Variants in SGCZ observed in about 807,000 individuals in gnomAD.
SGCZ encodes sarcoglycan zeta, also known as zeta-sarcoglycan.
SGCZ carries 40 observed loss-of-function variants against 41.3 expected under a neutral mutation model. The observed-to-expected ratio is 0.97, with a 90% CI of 0.75 to 1.26. The LOEUF is 1.26. Ranked by LOEUF, SGCZ falls within the 50% of genes most tolerant of loss-of-function variation. SGCZ has a pLI of 0.00. For missense variants in SGCZ, 552 were observed against 369.8 expected, an observed-to-expected ratio of 1.49 and a Z score of -4.04; for synonymous variants, 206 against 137.5, an observed-to-expected ratio of 1.50 and a Z score of -3.49.
At chr8:14,501,067 T>A (rs1343483474) in intron 2 of SGCZ, among the ~76,000 whole-genome samples, 1 of 152,022 alleles carries the variant, frequency 6.6e-6, no homozygotes, top group African/African-American at 2.4e-5. Flanking sequence ...ATCAAGCTGT[T>A]AGTAGGGTTG....
intron 4 of SGCZ, among the ~76,000 whole-genome samples, chr8:14,191,795 C>T (rs1460320159): frequency 3.3e-5 from 5 of 152,098 alleles, no homozygotes; most frequent in South Asian, 2.1e-4. Context: ...TTTCAGACTT[C>T]GAAGAAGCCC....
At chr8:14,324,455 T>A (rs1201239297) in intron 2 of SGCZ, among the ~76,000 whole-genome samples, 2 of 152,162 alleles carry the variant, frequency 1.3e-5, no homozygotes, top group African/African-American at 4.8e-5. Flanking sequence ...GACTAGGATT[T>A]GCCCACGAAT....
At position 14,489,566 on chromosome 8, in the gene SGCZ, A is replaced by G. The variant is rs1585584753; in HGVS notation, c.234+65166T>C. Among the ~76,000 whole-genome samples, 5 of 152,182 alleles carry G rather than the reference A, an allele frequency of 3.3e-5. No homozygotes were observed. In the South Asian group the frequency reaches 1.0e-3, roughly 32 times the overall value. On this transcript the variant is annotated intron_variant, in intron 2 of 7. Transcript: ENST00000382080. ...AAAAGGGAGATGGTCTGGCTTTTTT[A>G]ACCCACTTTTTAAACGCCCAAAACA...
chr8:14,148,233 A>T (rs940278042), intron 5 of SGCZ, among the ~76,000 whole-genome samples: 1 of 152,162 alleles, frequency 6.6e-6, no homozygotes, highest in Non-Finnish European at 1.5e-5. Context: ...GAATTTTTTT[A>T]AAAAGTACAA....
chr8:14,726,262 C>CAA (rs35093191), intron 1 of SGCZ, among the ~76,000 whole-genome samples: 40,602 of 97,802 alleles, frequency 0.42, 8,384 homozygotes, highest in Non-Finnish European at 0.53. Flanking sequence ...GACTCTGTCT[C>CAA]AAAAAAAAAA....
chr8:14,649,291 T>G (rs1400980569), intron 1 of SGCZ, among the ~76,000 whole-genome samples: 1 of 152,146 alleles, frequency 6.6e-6, no homozygotes, highest in African/African-American at 2.4e-5. Context: ...GTGTGCAGAC[T>G]CTTGAGCAAC....
intron 1 of SGCZ, among the ~76,000 whole-genome samples, chr8:14,927,343 T>C (rs1021290344): frequency 2.0e-5 from 3 of 151,806 alleles, no homozygotes; most frequent in African/African-American, 7.3e-5. Flanking sequence ...TTTCCTGTCC[T>C]TGTGATCCGC....
chr8:15,080,350 T>C (rs1411434686), intron 1 of SGCZ, among the ~76,000 whole-genome samples: 2 of 152,042 alleles, frequency 1.3e-5, no homozygotes, highest in Admixed American at 1.3e-4. Flanking sequence ...CTAACCTACA[T>C]GCACTCAGCG....
Position 14,164,612 on chromosome 8 carries a change from A to G in SGCZ, c.515T>C (p.Ile172Thr), listed in dbSNP as rs1371036735. Residue 172 changes from isoleucine (I) to threonine (T), a missense_variant, in exon 5 of 8, where the codon ATT (isoleucine) becomes ACT (threonine). Ile to Thr is a moderately conservative substitution (Grantham distance 89). Transcript: ENST00000382080. ...TTTCAGCTTTTCAGCCCCAATGGTA[A>G]TCTCATCTTCATCTGCAGAAAACAG... is the stretch of plus-strand genomic sequence containing the variant. ...RVLFSADEDEITIGAEKLKVT... is the reference protein window; with the variant it reads ...RVLFSADEDETTIGAEKLKVT... 1 of 1,613,318 alleles carries G rather than the reference A, an allele frequency of 6.2e-7. No individual in the cohort carries two copies. The highest frequency in any genetic ancestry group is 8.5e-7 in the Non-Finnish European group (1 of 1,179,614).
At chr8:14,695,926 T>TA (rs1808946427) in intron 1 of SGCZ, among the ~76,000 whole-genome samples, 1 of 151,930 alleles carries the variant, frequency 6.6e-6, no homozygotes, top group African/African-American at 2.4e-5. Context: ...GCAACCAAGA[T>TA]AAAAAAATAA....
intron 4 of SGCZ, among the ~76,000 whole-genome samples, chr8:14,213,434 A>C (rs1218142275): frequency 6.6e-6 from 1 of 152,136 alleles, no homozygotes; most frequent in Non-Finnish European, 1.5e-5. Context: ...TATTTACCTC[A>C]ATTTCTATAT....
At position 15,060,811 on chromosome 8, in the gene SGCZ, T is replaced by G. The variant is rs2131010320; in HGVS notation, c.39+176774A>C. ...TTGTTTTTGTTGTTTTAGCAGGCATTAATTAATAATGTACCTAATTTCAAA... is the reference window on the plus strand; with the variant it reads ...TTGTTTTTGTTGTTTTAGCAGGCATGAATTAATAATGTACCTAATTTCAAA... On this transcript the variant is annotated intron_variant, in intron 1 of 7. Transcript: ENST00000382080. Among the ~76,000 whole-genome samples, 3 of 152,272 alleles carry G rather than the reference T, an allele frequency of 2.0e-5. No homozygotes were observed. In the Middle Eastern group the frequency reaches 0.01, roughly 518 times the overall value.
rs866512685 is a variant in SGCZ at position 14,551,467 on chromosome 8, T to C, written c.234+3265A>G. Reference sequence around the variant, plus strand: ...TTTCATATATATATTATATATATTATATATATTATATATTATATATATTAT... The same window carrying C: ...TTTCATATATATATTATATATATTACATATATTATATATTATATATATTAT... On this transcript the variant is annotated intron_variant, in intron 2 of 7. Coordinates refer to ENST00000382080, the MANE Select transcript of SGCZ (RefSeq NM_139167.4). 8.3e-3 allele frequency among the ~76,000 whole-genome samples: 47 copies of C among 5,634 alleles called. 4 individuals carry two copies. The highest frequency in any genetic ancestry group is 0.018 in the African/African-American group (41 of 2,300). 3.7% of individuals were successfully genotyped at this position (5,634 alleles called of 152,430 possible). A position where few individuals can be genotyped will look rare whatever the true frequency, so the allele number is the denominator to read the frequency against.
intron 2 of SGCZ, among the ~76,000 whole-genome samples, chr8:14,418,005 A>C (rs1799542299): frequency 6.6e-6 from 1 of 151,734 alleles, no homozygotes; most frequent in African/African-American, 2.4e-5. Flanking sequence ...TAATGTACAA[A>C]AGGAGTCCTG....
At chr8:14,654,324 T>G (rs193202487) in intron 1 of SGCZ, among the ~76,000 whole-genome samples, 61 of 152,176 alleles carry the variant, frequency 4.0e-4, no homozygotes, top group African/African-American at 1.3e-3. Context: ...TTTCTGATGC[T>G]ACCTTGAGCA....
chr8:15,029,685 A>G (rs886356789), intron 1 of SGCZ, among the ~76,000 whole-genome samples: 1 of 152,122 alleles, frequency 6.6e-6, no homozygotes, highest in Non-Finnish European at 1.5e-5. Flanking sequence ...CCATTGTAGA[A>G]TAAGAAAAAA....
chr8:14,189,971 A>G (rs1805037719), intron 4 of SGCZ, among the ~76,000 whole-genome samples: 1 of 149,116 alleles, frequency 6.7e-6, no homozygotes, highest in Non-Finnish European at 1.5e-5. Flanking sequence ...AGGTTCATCC[A>G]TGTTGTCAGA....
At chr8:14,527,042 C>T (rs1206276847) in intron 2 of SGCZ, among the ~76,000 whole-genome samples, 1 of 149,952 alleles carries the variant, frequency 6.7e-6, no homozygotes, top group African/African-American at 2.5e-5. Flanking sequence ...TCGTCAATGC[C>T]TTCTTAATAT....
intron 1 of SGCZ, among the ~76,000 whole-genome samples, chr8:14,888,420 G>C (rs1212610248): frequency 1.3e-5 from 2 of 152,078 alleles, no homozygotes; most frequent in Non-Finnish European, 2.9e-5. Context: ...CCGTGACTAT[G>C]ATTTCAAAGA....
Sources: allele counts gnomAD v4.1 joint callset (sites outside exome capture counted in the v4.1 genomes callset), GRCh38; gene constraint gnomAD v4.1.1; transcripts MANE v1.5; gene names NCBI Gene and HGNC (gene_info 2026-07-23, HGNC 2026-07-21).